Variants in IGF1R observed in about 807,000 individuals in gnomAD.
IGF1R encodes insulin like growth factor 1 receptor, also known as insulin-like growth factor 1 receptor.
Under a neutral mutation model 144.6 loss-of-function variants are expected in IGF1R, and 44 were observed. The observed-to-expected ratio is 0.30, with a 90% confidence interval of 0.24 to 0.39. IGF1R has a LOEUF of 0.39. IGF1R is among the 10% of genes least tolerant of loss of function. The pLI, the probability that IGF1R is intolerant of heterozygous loss-of-function variation, is 1.00. For synonymous variants in IGF1R, 795 were observed against 722.8 expected, an observed-to-expected ratio of 1.10 and a Z score of -1.60; for missense variants, 1,355 against 1,833.7, an observed-to-expected ratio of 0.74 and a Z score of 4.77.
intron 1 of IGF1R, among the ~76,000 whole-genome samples, chr15:98,693,896 G>A (rs1050650432): frequency 6.6e-6 from 1 of 152,166 alleles, no homozygotes; most frequent in African/African-American, 2.4e-5. Flanking sequence ...GTGAGCCACC[G>A]TGCCTGGCCT....
At chr15:98,943,556 G>A (rs575988889) in intron 19 of IGF1R, among the ~76,000 whole-genome samples, 1 of 152,216 alleles carries the variant, frequency 6.6e-6, no homozygotes, top group Non-Finnish European at 1.5e-5. Flanking sequence ...TGGACCCAGG[G>A]ATGGTTATGG....
chr15:98,942,941 A>G lies in IGF1R; in HGVS notation c.3476A>G (p.Asp1159Gly). The change falls in exon 19 of 21, where the codon GAT (aspartate) becomes GGT (glycine). Residue 1159 changes from aspartate (D) to glycine (G), a missense_variant. Coordinates refer to ENST00000650285, the MANE Select transcript of IGF1R (RefSeq NM_000875.5). ...VKIGDFGMTR[D>G]IYETDYYRKG... ...CTTACAGATTTTGGTATGACGCGAG[A>G]TATCTATGAGACAGACTATTACCGG... is the stretch of plus-strand genomic sequence containing the variant. The G allele has an allele frequency of 6.2e-7, 1 of 1,614,136 alleles. No individual in the cohort carries two copies. Among genetic ancestry groups the G allele is most frequent in the Non-Finnish European group, 8.5e-7 (1 of 1,180,018 alleles).
intron 2 of IGF1R, among the ~76,000 whole-genome samples, chr15:98,854,619 A>G (rs1213974001): frequency 6.6e-6 from 1 of 152,128 alleles, no homozygotes; most frequent in Non-Finnish European, 1.5e-5. Context: ...TTCCATGCCA[A>G]CAGCCTCTAA....
Position 98,924,742 on chromosome 15 carries a change from T to C in IGF1R, c.2782+58T>C, listed in dbSNP as rs2015639635. ...AAACTGAAAGCAGGGTGGTCCAGGATCAGGACAGCCCGAGTGTTCATGGCT... is the reference window on the plus strand; with the variant it reads ...AAACTGAAAGCAGGGTGGTCCAGGACCAGGACAGCCCGAGTGTTCATGGCT... On this transcript the variant is annotated intron_variant, in intron 13 of 20. Coordinates refer to ENST00000650285, the MANE Select transcript of IGF1R (RefSeq NM_000875.5). 2.0e-6 allele frequency: 3 copies of C among 1,468,200 alleles called. No homozygotes were observed. In the Admixed American group the frequency reaches 5.0e-5, roughly 25 times the overall value. The allele number at this position is 1,468,200 out of a possible 1,614,324, so 90.9% of individuals were successfully genotyped here.
intron 2 of IGF1R, among the ~76,000 whole-genome samples, chr15:98,856,241 T>C (rs35690275): frequency 0.21 from 31,303 of 152,240 alleles, 3,912 homozygotes; most frequent in Middle Eastern, 0.32. Context: ...CAGGTCCTTG[T>C]AGACGAGGAC....
chr15:98,771,659 G>T (rs1417479585), intron 2 of IGF1R, among the ~76,000 whole-genome samples: 1 of 152,016 alleles, frequency 6.6e-6, no homozygotes, highest in Non-Finnish European at 1.5e-5. Flanking sequence ...TCTAGGCTTG[G>T]GTTTCCCCCT....
rs1280990894 is a variant in IGF1R, at chr15:98,916,197, G to A, written c.1996+66G>A. The A allele has an allele frequency of 1.5e-5, 23 of 1,485,554 alleles. No homozygotes were observed. The East Asian group carries it at 5.0e-4, about 32-fold the overall frequency. 92.0% of individuals were successfully genotyped at this position (1,485,554 alleles called of 1,614,324 possible). On this transcript the variant is annotated intron_variant, in intron 9 of 20. Transcript: ENST00000650285. ...TCATTCCTGTGGTTGTAATGTGCCT[G>A]AGCCCTAATATTACACGTATCAGAC...
At chr15:98,770,928 C>T (rs375067995) in intron 2 of IGF1R, among the ~76,000 whole-genome samples, 63 of 152,216 alleles carry the variant, frequency 4.1e-4, no homozygotes, top group African/African-American at 1.4e-3. Context: ...ACTTCTGATC[C>T]CTAAAACTTT....
intron 20 of IGF1R, among the ~76,000 whole-genome samples, chr15:98,950,450 A>T (rs1413710946): frequency 6.6e-6 from 1 of 152,178 alleles, no homozygotes; most frequent in African/African-American, 2.4e-5. Flanking sequence ...AGGCTCAGGG[A>T]CATCTTCAGG....
Position 98,962,610 on chromosome 15 carries a change from C to T in IGF1R, c.*5168C>T, listed in dbSNP as rs2017270179. The T allele has an allele frequency of 8.6e-6, 2 of 233,820 alleles. No homozygotes were observed. Among genetic ancestry groups the T allele is most frequent in the Non-Finnish European group, 1.7e-5 (2 of 118,186 alleles). 14.5% of individuals were successfully genotyped at this position (233,820 alleles called of 1,614,324 possible). A position where few individuals can be genotyped will look rare whatever the true frequency, so the allele number is the denominator to read the frequency against. On this transcript the variant is annotated 3_prime_UTR_variant, in exon 21 of 21. Transcript: ENST00000650285. ...TGCGTCATTTGGAGAAGTGAGTGCT[C>T]CTTGATGGTGGAATGACCGGGTGGT...
chr15:98,856,652 A>G (rs2011834817), intron 2 of IGF1R, among the ~76,000 whole-genome samples: 1 of 152,238 alleles, frequency 6.6e-6, no homozygotes. Flanking sequence ...ATCCAAATAT[A>G]AAGAATTGGA....
intron 2 of IGF1R, among the ~76,000 whole-genome samples, chr15:98,803,365 G>C (rs544099504): frequency 6.6e-6 from 1 of 152,280 alleles, no homozygotes; most frequent in South Asian, 2.1e-4. Flanking sequence ...TGGTACACCT[G>C]TATAGGGCAC....
rs564044447 is a variant in IGF1R at position 98,732,182 on chromosome 15, G to A, written c.640+24075G>A. Among the ~76,000 whole-genome samples, 6 of 152,322 alleles carry A rather than the reference G, an allele frequency of 3.9e-5. No homozygotes were observed. In the South Asian group the frequency reaches 1.2e-3, roughly 32 times the overall value. ...ATATCTTATTAGAGCTTTGTGCAAAGTGCCACAGGAAGCAGGAGAAGGGGT... is the reference window on the plus strand; with the variant it reads ...ATATCTTATTAGAGCTTTGTGCAAAATGCCACAGGAAGCAGGAGAAGGGGT... On this transcript the variant is annotated intron_variant, in intron 2 of 20. Transcript: ENST00000650285.
intron 2 of IGF1R, among the ~76,000 whole-genome samples, chr15:98,888,479 T>C (rs2013751696): frequency 6.8e-6 from 1 of 146,556 alleles, no homozygotes; most frequent in African/African-American, 2.6e-5. Context: ...ACAGAAAATA[T>C]GCTAGGTTTG....
intron 2 of IGF1R, among the ~76,000 whole-genome samples, chr15:98,797,809 G>C (rs995221186): frequency 6.6e-6 from 1 of 152,170 alleles, no homozygotes; most frequent in African/African-American, 2.4e-5. Flanking sequence ...ACATTCTAGT[G>C]GTAGAAACAG....
intron 1 of IGF1R, among the ~76,000 whole-genome samples, chr15:98,650,257 TG>T (rs2052322193): frequency 6.6e-6 from 1 of 152,178 alleles, no homozygotes; most frequent in Non-Finnish European, 1.5e-5. Context: ...CGCCCGTCGC[TG>T]CCTCCCGTCG....
intron 3 of IGF1R, among the ~76,000 whole-genome samples, chr15:98,894,753 G>C (rs2014096258): frequency 6.6e-6 from 1 of 152,132 alleles, no homozygotes; most frequent in South Asian, 2.1e-4. Context: ...AAATTACAAA[G>C]TTTGGCCAGT....
intron 11 of IGF1R, among the ~76,000 whole-genome samples, chr15:98,922,891 C>T (rs1331035752): frequency 6.6e-6 from 1 of 152,226 alleles, no homozygotes; most frequent in Non-Finnish European, 1.5e-5. Flanking sequence ...CTTTGGCTTT[C>T]CCTTGTTGTT....
chr15:98,776,425 A>T (rs2141382422), intron 2 of IGF1R, among the ~76,000 whole-genome samples: 1 of 152,206 alleles, frequency 6.6e-6, no homozygotes, highest in Non-Finnish European at 1.5e-5. Flanking sequence ...ACCTCAGATG[A>T]TCCACGCGCC....
Sources: allele counts gnomAD v4.1 joint callset (sites outside exome capture counted in the v4.1 genomes callset), GRCh38; gene constraint gnomAD v4.1.1; transcripts MANE v1.5; gene names NCBI Gene and HGNC (gene_info 2026-07-23, HGNC 2026-07-21).